Variants in SLC7A8 observed in about 807,000 individuals in gnomAD.
The protein encoded by SLC7A8 is solute carrier family 7 member 8, also known as large neutral amino acids transporter small subunit 2.
SLC7A8 carries 30 observed loss-of-function variants against 51.2 expected under a neutral mutation model. The observed-to-expected ratio is 0.59, with a 90% CI of 0.44 to 0.80. The LOEUF is 0.80. SLC7A8 is among the 30% of genes least tolerant of loss of function. The pLI is 0.00. For missense variants in SLC7A8, 612 were observed against 674.4 expected (o/e 0.91, Z 1.03); for synonymous variants, 257 against 275.8 (o/e 0.93, Z 0.67).
intron 1 of SLC7A8, among the ~76,000 whole-genome samples, chr14:23,173,909 G>A (rs1009457540): frequency 9.9e-5 from 15 of 152,150 alleles, no homozygotes; most frequent in Non-Finnish European, 1.5e-5. Flanking sequence ...CCAAAGTGCT[G>A]GAATTACAAG....
intron 3 of SLC7A8, among the ~76,000 whole-genome samples, chr14:23,161,608 G>GGGTGGGTT (rs2048923046): frequency 6.7e-6 from 1 of 148,274 alleles, no homozygotes; most frequent in Admixed American, 6.7e-5. Flanking sequence ...GTGGGTGGGT[G>GGGTGGGTT]GGAGGGGTGC....
Position 23,165,254 on chromosome 14 carries a change from G to C in SLC7A8, c.508+31C>G, listed in dbSNP as rs770798833. The C allele has an allele frequency of 1.9e-6, 3 of 1,586,304 alleles. No homozygotes were observed. The highest frequency in any genetic ancestry group is 2.3e-5 in the South Asian group (2 of 87,204). On this transcript the variant is annotated intron_variant, in intron 3 of 10. Coordinates refer to ENST00000316902, the MANE Select transcript of SLC7A8 (RefSeq NM_012244.4). This position sits in a 1 kb window ranked among gnomAD's most constrained non-coding sequence, Gnocchi z 4.2. ...AATAATAAATATAATAAAAGAGGCTGTCTTGCTACCAAGACCCAGATGACA... is the reference window on the plus strand; with the variant it reads ...AATAATAAATATAATAAAAGAGGCTCTCTTGCTACCAAGACCCAGATGACA...
At chr14:23,149,565 T>G (rs1794248943) in intron 3 of SLC7A8, among the ~76,000 whole-genome samples, 1 of 152,204 alleles carries the variant, frequency 6.6e-6, no homozygotes, top group African/African-American at 2.4e-5. Context: ...GATAGAAAGC[T>G]ACGAGATTAT....
Position 23,165,491 on chromosome 14 carries a change from AG to A in SLC7A8, c.357-56del. 1 of 1,532,108 alleles carries A rather than the reference AG, an allele frequency of 6.5e-7. No individual in the cohort carries two copies. The highest frequency in any genetic ancestry group is 1.3e-5 in the South Asian group (1 of 79,188). 94.9% of individuals were successfully genotyped at this position (1,532,108 alleles called of 1,614,324 possible). On this transcript the variant is annotated intron_variant, in intron 2 of 10. Transcript: ENST00000316902. This position sits in a 1 kb window ranked among gnomAD's most constrained non-coding sequence, Gnocchi z 4.2. ...GGCATGGCAGGGACGCAGAGCCATC[AG>A]GGGAGAGCCCGGGCAAGTCATGCAT... is the stretch of plus-strand genomic sequence containing the variant.
chr14:23,180,900 G>A (rs1336566871), intron 1 of SLC7A8, among the ~76,000 whole-genome samples: 3 of 152,114 alleles, frequency 2.0e-5, no homozygotes, highest in Non-Finnish European at 4.4e-5. Context: ...GGTGGTGGGC[G>A]CCTGTAGTCC....
chr14:23,180,079 G>T (rs562595479), intron 1 of SLC7A8, among the ~76,000 whole-genome samples: 81 of 151,876 alleles, frequency 5.3e-4, no homozygotes, highest in Admixed American at 9.2e-4. Context: ...CTAATTTTTT[G>T]TATTTTTTAG....
chr14:23,166,430 C>T lies in SLC7A8; in HGVS notation c.262G>A (p.Val88Met), dbSNP rs1488274056. 3 of 1,614,184 alleles carry T rather than the reference C, an allele frequency of 1.9e-6. No individual in the cohort carries two copies. In the East Asian group the frequency reaches 6.7e-5, roughly 36 times the overall value. The change falls in exon 2 of 11, where the codon GTG (valine) becomes ATG (methionine). Residue 88 changes from valine to methionine, a missense_variant. By Grantham distance (21) the Val-to-Met change is conservative (BLOSUM62 1). Transcript: ENST00000316902. The part of the protein sequence containing the change: ...VWIVTGFITV[V>M]GALCYAELGV... ...AGTTCAGCATAGCAGAGGGCTCCCACAACTGTGATGAAGCCCGTCACAATC... is the reference window on the plus strand; with the variant it reads ...AGTTCAGCATAGCAGAGGGCTCCCATAACTGTGATGAAGCCCGTCACAATC...
At chr14:23,147,599 T>G (rs1345580833) in intron 3 of SLC7A8, among the ~76,000 whole-genome samples, 1 of 152,196 alleles carries the variant, frequency 6.6e-6, no homozygotes, top group Non-Finnish European at 1.5e-5. Flanking sequence ...GCGGGAGTGG[T>G]TACTGCTTCT....
chr14:23,143,231 C>T, intron 3 of SLC7A8, 27 bp from the exon 4 acceptor site: 3 of 1,612,800 alleles, frequency 1.9e-6, no homozygotes, highest in Non-Finnish European at 2.5e-6. Flanking sequence ...CCAAACAGAC[C>T]TTCAGGGGCT....
At chr14:23,131,212 G>C (rs570306610) in intron 8 of SLC7A8, among the ~76,000 whole-genome samples, 1 of 152,314 alleles carries the variant, frequency 6.6e-6, no homozygotes, top group South Asian at 2.1e-4. Context: ...TGACCCAAAA[G>C]GATGGGAGAA....
intron 3 of SLC7A8, among the ~76,000 whole-genome samples, chr14:23,160,139 C>G (rs1468566753): frequency 7.2e-5 from 11 of 152,204 alleles, no homozygotes; most frequent in African/African-American, 2.7e-4. Flanking sequence ...AAGGAAAATG[C>G]AGAGTTGCAC....
At chr14:23,134,437 CAAAAAAAAAAAA>C (rs57162273) in intron 7 of SLC7A8, among the ~76,000 whole-genome samples, 1 of 64,186 alleles carries the variant, frequency 1.6e-5, no homozygotes, top group Non-Finnish European at 2.6e-5. Flanking sequence ...ACCCTGTCTC[CAAAAAAAAAAAA>C]AAAAAAAAAA....
At chr14:23,152,684 C>T (rs983680387) in intron 3 of SLC7A8, among the ~76,000 whole-genome samples, 1 of 151,964 alleles carries the variant, frequency 6.6e-6, no homozygotes, top group Admixed American at 6.6e-5. Flanking sequence ...CAAAGTGCTG[C>T]GATTACAGGC....
intron 3 of SLC7A8, among the ~76,000 whole-genome samples, chr14:23,164,864 C>T (rs946877669): frequency 3.3e-5 from 5 of 152,102 alleles, no homozygotes; most frequent in South Asian, 2.1e-4. Context: ...TGGTGGCTCA[C>T]GCCTGCAATC....
At chr14:23,143,956 T>A (rs1161955670) in intron 3 of SLC7A8, among the ~76,000 whole-genome samples, 1 of 152,264 alleles carries the variant, frequency 6.6e-6, no homozygotes, top group African/African-American at 2.4e-5. Flanking sequence ...GCTTTCGAGA[T>A]CTACTCATGT....
chr14:23,160,498 G>A (rs1594835920), intron 3 of SLC7A8, among the ~76,000 whole-genome samples: 1 of 151,162 alleles, frequency 6.6e-6, no homozygotes, highest in Non-Finnish European at 1.5e-5. Flanking sequence ...GTGAACCCGG[G>A]AGGCAGAGCT....
intron 3 of SLC7A8, among the ~76,000 whole-genome samples, chr14:23,144,386 T>C (rs1336645164): frequency 6.6e-6 from 1 of 150,802 alleles, no homozygotes; most frequent in Non-Finnish European, 1.5e-5. Context: ...TGTAGTTGTA[T>C]TTCATTATGG....
intron 7 of SLC7A8, among the ~76,000 whole-genome samples, chr14:23,133,950 T>A (rs902556970): frequency 2.6e-5 from 4 of 152,184 alleles, no homozygotes; most frequent in African/African-American, 9.7e-5. Context: ...CAAATAATTT[T>A]TTTTTTTTGA....
In SLC7A8 at chr14:23,125,691, A is replaced by G. The variant is rs1358056274; in HGVS notation, c.*1486T>C. 6.5e-6 allele frequency: 1 copy of G among 152,784 alleles called. No homozygotes were observed. The highest frequency in any genetic ancestry group is 1.5e-5 in the Non-Finnish European group (1 of 68,148). 9.5% of individuals were successfully genotyped at this position (152,784 alleles called of 1,614,324 possible). On this transcript the variant is annotated 3_prime_UTR_variant, in exon 11 of 11. Transcript: ENST00000316902. ...CTGGGCGGGGAAGCTGGGAGACACC[A>G]TCCAGGCCAGGAAGGGCTCCTGTGT...
Sources: gnomAD v4.1 joint callset for allele counts (sites outside exome capture counted in the v4.1 genomes callset) on GRCh38, gnomAD v4.1.1 for gene constraint, Gnocchi (gnomAD v3.1) non-coding constraint, MANE v1.5 for transcripts, NCBI Gene and HGNC (gene_info 2026-07-23, HGNC 2026-07-21) for gene names.